ABCB4: variants seen among roughly 807,000 people sequenced by gnomAD.
The protein encoded by ABCB4 is phosphatidylcholine translocator ABCB4.
In ABCB4, 76 loss-of-function variants were observed where a neutral mutation model predicts 145.7. That is an observed-to-expected ratio of 0.52 (90% CI 0.43 to 0.63). The LOEUF (loss-of-function observed/expected upper bound fraction) is 0.63, where lower values mean the gene tolerates loss of function less well. Ranked by LOEUF, ABCB4 falls within the 30% of genes least tolerant of loss-of-function variation. The pLI, the probability that ABCB4 is intolerant of heterozygous loss-of-function variation, is 0.00. For missense variants in ABCB4, 1,234 were observed against 1,553.1 expected (o/e 0.79, Z 3.45); for synonymous variants, 517 against 566.8 (o/e 0.91, Z 1.25).
At position 87,406,366 on chromosome 7, in the gene ABCB4, G is replaced by C. The variant is rs769158576; in HGVS notation, c.3408C>G (p.Ser1136Arg). The C allele has an allele frequency of 6.2e-7, 1 of 1,614,040 alleles. No individual in the cohort carries two copies. The highest frequency in any genetic ancestry group is 1.7e-5 in the Admixed American group (1 of 60,010). ...CAATTTCATCCTGTGATACAACCCG[G>C]CTGTTGTCTCCATAGGCAATATTCT... is the stretch of plus-strand genomic sequence containing the variant. Reference protein sequence around the residue: ...IAENIAYGDNSRVVSQDEIVS... With the variant: ...IAENIAYGDNRRVVSQDEIVS... The change falls in exon 26 of 28, where the codon AGC becomes AGG. Residue 1136 changes from serine to arginine, a missense_variant. Physicochemically the swap from Ser to Arg is moderately radical, Grantham distance 110 (BLOSUM62 -1). This residue lies in a region of ABCB4 where 301 missense variants were observed against 389.0 expected (regional missense o/e 0.77). Transcript: ENST00000649586.
intron 4 of ABCB4, among the ~76,000 whole-genome samples, chr7:87,460,472 T>C (rs188652736): frequency 1.6e-4 from 25 of 152,192 alleles, no homozygotes; most frequent in Non-Finnish European, 2.9e-4. Context: ...TCAGTGTCTA[T>C]TGTTCTCATC....
chr7:87,466,728 G>C (rs1469151756), intron 3 of ABCB4, among the ~76,000 whole-genome samples: 1 of 152,220 alleles, frequency 6.6e-6, no homozygotes, highest in African/African-American at 2.4e-5. Flanking sequence ...AGCCAGAAGA[G>C]AGAGGGGGCC....
Position 87,403,245 on chromosome 7 carries a change from G to A in ABCB4, c.3523C>T (p.Leu1175Phe), listed in dbSNP as rs1807935512. 5 of 1,613,878 alleles carry A rather than the reference G, an allele frequency of 3.1e-6. No homozygotes were observed. The highest frequency in any genetic ancestry group is 1.3e-5 in the African/African-American group (1 of 74,912). The change falls in exon 27 of 28, where the codon CTC (leucine) becomes TTC (phenylalanine). Residue 1175 changes from leucine (L) to phenylalanine (F), a missense_variant. By Grantham distance (22) the Leu-to-Phe change is conservative. Transcript: ENST00000649586. Reference sequence around the variant, plus strand: ...ATCCTCTGTTTTTGACCTCCTGAGAGCTGAGTCCCCTTATCTCCCACTCTT... The same window carrying A: ...ATCCTCTGTTTTTGACCTCCTGAGAACTGAGTCCCCTTATCTCCCACTCTT... ...ETRVGDKGTQ[L>F]SGGQKQRIAI... is the part of the protein sequence containing the mutation.
intron 15 of ABCB4, among the ~76,000 whole-genome samples, chr7:87,429,682 G>T (rs971247266): frequency 6.6e-6 from 1 of 152,160 alleles, no homozygotes; most frequent in African/African-American, 2.4e-5. Context: ...AACATTTTAT[G>T]CATTCCTAAC....
chr7:87,450,039 G>C lies in ABCB4; in HGVS notation c.762C>G (p.Ala254=), dbSNP rs747537137. ...TGGCCCCCAGAGCCTCTTCTGCCACGGCGCCTGCTTTTGCATAAGCAGCTA... is the reference window on the plus strand; with the variant it reads ...TGGCCCCCAGAGCCTCTTCTGCCACCGCGCCTGCTTTTGCATAAGCAGCTA... ...KELAAYAKAG[A]VAEEALGAIR... The change falls in exon 8 of 28, where the codon GCC becomes GCG. Residue 254 remains alanine, a synonymous_variant. Coordinates refer to ENST00000649586, the MANE Select transcript of ABCB4 (RefSeq NM_000443.4). 1.9e-6 allele frequency: 3 copies of C among 1,614,140 alleles called. No individual in the cohort carries two copies. The highest frequency in any genetic ancestry group is 2.2e-5 in the East Asian group (1 of 44,882).
chr7:87,447,266 A>T, intron 8 of ABCB4, 61 bp from the exon 9 acceptor site: 1 of 1,521,750 alleles, frequency 6.6e-7, no homozygotes, highest in Non-Finnish European at 9.0e-7. Context: ...AGTCCGAGTC[A>T]CACTCGGCTC....
the ABCB4 span, chr7:87,375,619 C>T: frequency 6.3e-7 from 1 of 1,595,518 alleles, no homozygotes; most frequent in South Asian, 1.1e-5. Context: ...ATCTTCTTTT[C>T]ATCTTCCATA....
chr7:87,396,738 A>G (rs1323259855), downstream of ABCB4, among the ~76,000 whole-genome samples: 1 of 152,086 alleles, frequency 6.6e-6, no homozygotes, highest in East Asian at 1.9e-4. Context: ...GAACAAAGTT[A>G]TCTACATTTC....
intron 19 of ABCB4, among the ~76,000 whole-genome samples, chr7:87,419,610 G>A (rs1046121534): frequency 6.6e-6 from 1 of 152,194 alleles, no homozygotes; most frequent in Non-Finnish European, 1.5e-5. Context: ...TGGTACATGA[G>A]ATTAAATGCT....
At chr7:87,409,547 A>G (rs1464040828) in intron 23 of ABCB4, among the ~76,000 whole-genome samples, 155 bp from the exon 24 acceptor site, 3 of 152,202 alleles carry the variant, frequency 2.0e-5, no homozygotes, top group African/African-American at 7.2e-5. Context: ...TTCTAGTAAC[A>G]AGAGAAATCT....
intron 7 of ABCB4, among the ~76,000 whole-genome samples, chr7:87,450,502 A>T (rs1811644945): frequency 7.6e-6 from 1 of 131,252 alleles, no homozygotes. Context: ...ACGGGGTCTC[A>T]CTCTGTTGCC....
At chr7:87,461,945 A>G (rs937128733) in intron 4 of ABCB4, among the ~76,000 whole-genome samples, 2 of 152,156 alleles carry the variant, frequency 1.3e-5, no homozygotes, top group Non-Finnish European at 2.9e-5. Flanking sequence ...TTCCTTTACC[A>G]GTGTTTTGAA....
At chr7:87,440,998 CA>C (rs760153311) in intron 12 of ABCB4, among the ~76,000 whole-genome samples, 1 of 152,210 alleles carries the variant, frequency 6.6e-6, no homozygotes, top group African/African-American at 2.4e-5. Flanking sequence ...CTTGGCCTCC[CA>C]AAGTGCTGGG....
At chr7:87,397,599 T>C (rs1429673082), downstream of ABCB4, among the ~76,000 whole-genome samples, 1 of 152,212 alleles carries the variant, frequency 6.6e-6, no homozygotes, top group African/African-American at 2.4e-5. Flanking sequence ...GGGAATTCCA[T>C]GCCAAGTGTA....
downstream of ABCB4, chr7:87,398,486 CT>C: frequency 6.2e-7 from 1 of 1,610,530 alleles, no homozygotes. Context: ...TATTTGGAGC[CT>C]TTTGTGTAAT....
chr7:87,444,473 C>T (rs914899073), intron 10 of ABCB4, among the ~76,000 whole-genome samples: 4 of 152,116 alleles, frequency 2.6e-5, no homozygotes, highest in African/African-American at 9.7e-5. Flanking sequence ...GAACCCACAG[C>T]AAAATATACT....
chr7:87,472,517 C>A, intron 3 of ABCB4, 104 bp downstream of exon 3: 1 of 1,060,866 alleles, frequency 9.4e-7, no homozygotes, highest in Non-Finnish European at 1.4e-6. Context: ...AGTCAGCTCG[C>A]CTAGCTAGAC....
At chr7:87,422,094 T>G in intron 18 of ABCB4, 27 bp downstream of exon 18, 485 of 1,472,438 alleles carry the variant, frequency 3.3e-4, no homozygotes, top group Non-Finnish European at 4.2e-4. Flanking sequence ...ATAAACTTGA[T>G]GAGAAAGGCA....
rs756738789 is a variant in ABCB4, at chr7:87,452,951, G to A, written c.529C>T (p.Leu177=). 6.2e-7 allele frequency: 1 copy of A among 1,613,600 alleles called. No individual in the cohort carries two copies. The highest frequency in any genetic ancestry group is 1.1e-5 in the South Asian group (1 of 91,066). Residue 177 remains leucine, a synonymous_variant, in exon 6 of 28, where the codon CTA becomes TTA. Coordinates refer to ENST00000649586, the MANE Select transcript of ABCB4 (RefSeq NM_000443.4). ...CATTAACAATGTACCTACTCTGTTA[G>A]CCGCGTATTGAGTTCAGTGGTGTCG... ...INDTTELNTR[L]TDDISKISEG...
Sources: gnomAD v4.1 joint callset for allele counts (sites outside exome capture counted in the v4.1 genomes callset) on GRCh38, gnomAD v4.1.1 for gene constraint, gnomAD v4.1.1 regional missense constraint, MANE v1.5 for transcripts, NCBI Gene and HGNC (gene_info 2026-07-23, HGNC 2026-07-21) for gene names.